Variants in TP53INP1 observed in about 807,000 individuals in gnomAD.
TP53INP1 encodes tumor protein p53 inducible nuclear protein 1, also known as tumor protein p53-inducible nuclear protein 1.
TP53INP1 carries 12 observed loss-of-function variants against 21.0 expected under a neutral mutation model. The observed-to-expected ratio is 0.57, with a 90% CI of 0.37 to 0.93. The LOEUF is 0.93. Among genes scored for constraint, TP53INP1 ranks in the 40% least tolerant of loss-of-function variants. TP53INP1 has a pLI of 0.01. For missense variants in TP53INP1, 274 were observed against 294.7 expected, an observed-to-expected ratio of 0.93 and a Z score of 0.51; for synonymous variants, 91 against 94.8, an observed-to-expected ratio of 0.96 and a Z score of 0.23.
chr8:94,926,194 C>A lies in TP53INP1; in HGVS notation c.*4285G>T, dbSNP rs7760. On this transcript the variant is annotated 3_prime_UTR_variant, in exon 4 of 4. Coordinates refer to ENST00000342697, the MANE Select transcript of TP53INP1 (RefSeq NM_033285.4). ...ATTTCTATAAAAACAAAATTTAGAC[C>A]GTGGCTCAAGAAAACAAGCTGCCAT... 0.82 allele frequency: 124,648 copies of A among 152,494 alleles called. 51,928 individuals are homozygous for A. Among genetic ancestry groups the A allele is most frequent in the East Asian group, 0.9 (4,643 of 5,176 alleles). 9.4% of individuals were successfully genotyped at this position (152,494 alleles called of 1,614,324 possible).
In TP53INP1 at chr8:94,939,635, T is replaced by C. The variant is rs553312010; in HGVS notation, c.473+225A>G. Reference sequence around the variant, plus strand: ...GTGGTCTTGAACTCCTGAGCTTAAGTGATCTGCCTGCCTTGGCCTCCCAAA... The same window carrying C: ...GTGGTCTTGAACTCCTGAGCTTAAGCGATCTGCCTGCCTTGGCCTCCCAAA... On this transcript the variant is annotated intron_variant, in intron 3 of 3. Coordinates refer to ENST00000342697, the MANE Select transcript of TP53INP1 (RefSeq NM_033285.4). 42 of 542,290 alleles carry C rather than the reference T, an allele frequency of 7.7e-5. 1 individual carries two copies. The highest frequency in any genetic ancestry group is 7.7e-4 in the South Asian group (41 of 52,968). The allele number at this position is 542,290 out of a possible 1,614,324, so 33.6% of individuals were successfully genotyped here.
At position 94,940,930 on chromosome 8, in the gene TP53INP1, C is replaced by T; in HGVS notation, c.12G>A (p.Arg4=). 3.1e-6 allele frequency: 5 copies of T among 1,613,168 alleles called. No individual in the cohort carries two copies. Among genetic ancestry groups the T allele is most frequent in the Non-Finnish European group, 4.2e-6 (5 of 1,179,620 alleles). The change falls in exon 2 of 4, where the codon AGG becomes AGA. Residue 4 remains arginine, a synonymous_variant. Coordinates refer to ENST00000342697, the MANE Select transcript of TP53INP1 (RefSeq NM_033285.4). MFQ[R]LNKMFVGEVS... is the part of the protein sequence containing the mutation. ...CTTCACCCACAAACATTTTATTCAG[C>T]CTCTGGAACATTGTTAAGGCAAGAC...
chr8:94,932,855 T>C (rs1820562123), intron 3 of TP53INP1, among the ~76,000 whole-genome samples: 2 of 152,056 alleles, frequency 1.3e-5, no homozygotes. Context: ...TTAAAAAAAT[T>C]ATAGTTACTA....
intron 1 of TP53INP1, among the ~76,000 whole-genome samples, chr8:94,941,383 C>T (rs1821514727): frequency 6.6e-6 from 1 of 152,082 alleles, no homozygotes; most frequent in African/African-American, 2.4e-5. Flanking sequence ...ATCCTTCAAA[C>T]TTTTCTGCAA....
chr8:94,930,271 G>A lies in TP53INP1; in HGVS notation c.*208C>T. 1 of 607,790 alleles carries A rather than the reference G, an allele frequency of 1.6e-6. No homozygotes were observed. Among genetic ancestry groups the A allele is most frequent in the East Asian group, 2.9e-5 (1 of 33,954 alleles). The allele number at this position is 607,790 out of a possible 1,614,324, so 37.6% of individuals were successfully genotyped here. On this transcript the variant is annotated 3_prime_UTR_variant, in exon 4 of 4. Coordinates refer to ENST00000342697, the MANE Select transcript of TP53INP1 (RefSeq NM_033285.4). ...GTTTCCAGAAATAATCTGAAAAAGT[G>A]TACAAAAAAAGTAAATGTTAAAGGC...
chr8:94,932,122 T>C (rs1242562988), intron 3 of TP53INP1: 2 of 1,606,960 alleles, frequency 1.2e-6, no homozygotes, highest in Middle Eastern at 1.7e-4. Context: ...AAATGTTAAA[T>C]GGTGAACTAT....
chr8:94,947,981 G>A (rs980526915), intron 1 of TP53INP1, among the ~76,000 whole-genome samples: 3 of 152,118 alleles, frequency 2.0e-5, no homozygotes, highest in Non-Finnish European at 4.4e-5. Flanking sequence ...TTTCAGTATC[G>A]TGGGGGAACT....
chr8:94,943,827 G>A (rs1438681140), intron 1 of TP53INP1, among the ~76,000 whole-genome samples: 1 of 152,188 alleles, frequency 6.6e-6, no homozygotes, highest in Non-Finnish European at 1.5e-5. Context: ...AGTGTCACTT[G>A]CATAACCAGT....
chr8:94,947,664 C>T (rs939274330), intron 1 of TP53INP1, among the ~76,000 whole-genome samples: 1 of 152,210 alleles, frequency 6.6e-6, no homozygotes. Flanking sequence ...GTTATTCCCC[C>T]AGGGATCCAC....
intron 3 of TP53INP1, chr8:94,931,953 CAG>C (rs1394495643): frequency 6.2e-6 from 6 of 963,380 alleles, no homozygotes; most frequent in Non-Finnish European, 9.2e-6. Context: ...GCCTGAGTGA[CAG>C]AGTGAGACTC....
Position 94,930,398 on chromosome 8 carries a change from C to G in TP53INP1, c.*81G>C. The G allele has an allele frequency of 6.4e-7, 1 of 1,551,522 alleles. No homozygotes were observed. The highest frequency in any genetic ancestry group is 1.2e-5 in the South Asian group (1 of 81,992). On this transcript the variant is annotated 3_prime_UTR_variant, in exon 4 of 4. Coordinates refer to ENST00000342697, the MANE Select transcript of TP53INP1 (RefSeq NM_033285.4). ...TGGTTATCAATTGGTTGTAAAGAGA[C>G]AACATTTTCACTGTACATATACACA...
chr8:94,938,361 G>T (rs1470728371), intron 3 of TP53INP1, among the ~76,000 whole-genome samples: 2 of 152,200 alleles, frequency 1.3e-5, no homozygotes, highest in Non-Finnish European at 2.9e-5. Context: ...ACTGAGGCTG[G>T]ACTGTGATAC....
chr8:94,943,213 G>A (rs952837142), intron 1 of TP53INP1, among the ~76,000 whole-genome samples: 6 of 152,218 alleles, frequency 3.9e-5, no homozygotes, highest in Non-Finnish European at 8.8e-5. Flanking sequence ...ATGAGGCTAG[G>A]TGTGGAGGCT....
At chr8:94,937,758 A>G (rs1011355607) in intron 3 of TP53INP1, among the ~76,000 whole-genome samples, 2 of 152,160 alleles carry the variant, frequency 1.3e-5, no homozygotes, top group African/African-American at 4.8e-5. Context: ...CCTTATGTCA[A>G]AATTCCTAAG....
At chr8:94,944,575 C>A (rs767897635) in intron 1 of TP53INP1, among the ~76,000 whole-genome samples, 1 of 152,228 alleles carries the variant, frequency 6.6e-6, no homozygotes, top group South Asian at 2.1e-4. Flanking sequence ...CAAGGACAAC[C>A]AACCTTGGGC....
intron 1 of TP53INP1, among the ~76,000 whole-genome samples, chr8:94,948,775 T>G (rs1822251963): frequency 1.4e-5 from 2 of 146,904 alleles, no homozygotes; most frequent in Admixed American, 6.7e-5. Context: ...TGGAGGGGAG[T>G]GAGGAGGGGT....
At chr8:94,941,619 C>T (rs1821542952) in intron 1 of TP53INP1, among the ~76,000 whole-genome samples, 1 of 152,246 alleles carries the variant, frequency 6.6e-6, no homozygotes, top group African/African-American at 2.4e-5. Flanking sequence ...ACAATTCCTA[C>T]AGCTGGCATG....
At chr8:94,948,009 A>C (rs982568512) in intron 1 of TP53INP1, among the ~76,000 whole-genome samples, 1 of 152,208 alleles carries the variant, frequency 6.6e-6, no homozygotes, top group African/African-American at 2.4e-5. Context: ...ACTTCTGTTC[A>C]GTGACCCCAA....
At position 94,930,661 on chromosome 8, in the gene TP53INP1, T is replaced by C. The variant is rs764011815; in HGVS notation, c.541A>G (p.Thr181Ala). ...CYVAALAAHT[T>A]FLEQPKSFRP... ...AAGCTCTTGGGTTGTTCCAGAAAAG[T>C]TGTATGAGCAGCAAGAGCTGCAACA... Residue 181 changes from threonine (T) to alanine (A), a missense_variant, in exon 4 of 4, where the codon ACT (threonine) becomes GCT (alanine). Thr to Ala is a moderately conservative substitution (Grantham distance 58, BLOSUM62 0). Coordinates refer to ENST00000342697, the MANE Select transcript of TP53INP1 (RefSeq NM_033285.4). 13 of 1,614,240 alleles carry C rather than the reference T, an allele frequency of 8.1e-6. No individual in the cohort carries two copies. In the South Asian group the frequency reaches 1.2e-4, roughly 15 times the overall value.
Sources: allele counts gnomAD v4.1 joint callset (sites outside exome capture counted in the v4.1 genomes callset), GRCh38; gene constraint gnomAD v4.1.1; transcripts MANE v1.5; gene names NCBI Gene and HGNC (gene_info 2026-07-23, HGNC 2026-07-21).